OR2F2: variants seen among roughly 807,000 people sequenced by gnomAD.
OR2F2 encodes the protein olfactory receptor family 2 subfamily F member 2.
For missense variants in OR2F2, 375 were observed against 380.2 expected (o/e 0.99, Z 0.11); for synonymous variants, 161 against 159.0 (o/e 1.01, Z -0.09).
Position 143,935,627 on chromosome 7 carries a change from A to G in OR2F2, c.395A>G (p.Tyr132Cys). 6.2e-7 allele frequency: 1 copy of G among 1,614,068 alleles called. No homozygotes were observed. Among genetic ancestry groups the G allele is most frequent in the Non-Finnish European group, 8.5e-7 (1 of 1,180,016 alleles). The change falls in exon 1 of 1, where the codon TAC (tyrosine) becomes TGC (cysteine). Residue 132 changes from tyrosine (Y) to cysteine (C), a missense_variant. Physicochemically the swap from Tyr to Cys is radical, Grantham distance 194 (BLOSUM62 -2). Coordinates refer to ENST00000408955, the MANE Select transcript of OR2F2 (RefSeq NM_001004685.1). ...GTGGCTGTGTCTGACCGCCTGCGAT[A>G]CTCGGCCATCATGCATGGAGGGCTG... ...RHVAVSDRLR[Y>C]SAIMHGGLCA...
Position 143,936,027 on chromosome 7 carries a change from T to A in OR2F2, c.795T>A (p.Gly265=). Residue 265 remains glycine (G), a synonymous_variant, in exon 1 of 1, where the codon GGT becomes GGA. Transcript: ENST00000408955. ...TCACTTACATCCAGCCCCACTCTGG[T>A]CCCTCAGTCCTTCAAGAGAAGCTGA... ...TIFTYIQPHS[G]PSVLQEKLIS... is the part of the protein sequence containing the mutation. The A allele has an allele frequency of 1.2e-6, 2 of 1,614,064 alleles. No homozygotes were observed. The highest frequency in any genetic ancestry group is 1.7e-6 in the Non-Finnish European group (2 of 1,180,020).
At position 143,935,554 on chromosome 7, in the gene OR2F2, G is replaced by C; in HGVS notation, c.322G>C (p.Gly108Arg). ...AAQLFFSLAL[G>R]GIEFVLLAVM... ...CCAGTTATTTTTCTCCCTGGCCTTG[G>C]GTGGGATTGAGTTTGTTCTCCTGGC... Residue 108 changes from glycine (G) to arginine (R), a missense_variant, in exon 1 of 1, where the codon GGT becomes CGT. By Grantham distance (125) the Gly-to-Arg change is moderately radical. Coordinates refer to ENST00000408955, the MANE Select transcript of OR2F2 (RefSeq NM_001004685.1). The C allele has an allele frequency of 1.2e-6, 2 of 1,614,182 alleles. No individual in the cohort carries two copies. Among genetic ancestry groups the C allele is most frequent in the Non-Finnish European group, 1.7e-6 (2 of 1,180,036 alleles).
In OR2F2 at chr7:143,935,359, T is replaced by A. The variant is rs749778826; in HGVS notation, c.127T>A (p.Cys43Ser). Residue 43 changes from cysteine (C) to serine (S), a missense_variant, in exon 1 of 1, where the codon TGT (cysteine) becomes AGT (serine). Cys to Ser is a moderately radical substitution (Grantham distance 112). Transcript: ENST00000408955. The part of the protein sequence containing the change: ...VTYLMTVLGN[C>S]LIVLLIRLDS... ...ATACCTCATGACAGTGCTGGGGAAC[T>A]GTCTCATTGTCCTTCTGATCAGACT... The A allele has an allele frequency of 3.7e-6, 6 of 1,614,220 alleles. No homozygotes were observed. The highest frequency in any genetic ancestry group is 1.3e-5 in the African/African-American group (1 of 75,068).
Position 143,935,359 on chromosome 7 carries a change from T to G in OR2F2, c.127T>G (p.Cys43Gly), listed in dbSNP as rs749778826. The G allele has an allele frequency of 1.5e-5, 25 of 1,614,220 alleles. No homozygotes were observed. The highest frequency in any genetic ancestry group is 2.0e-5 in the Non-Finnish European group (24 of 1,180,028). The stretch of plus-strand genomic sequence containing the variant: ...ATACCTCATGACAGTGCTGGGGAAC[T>G]GTCTCATTGTCCTTCTGATCAGACT... ...VTYLMTVLGN[C>G]LIVLLIRLDS... The change falls in exon 1 of 1, where the codon TGT (cysteine) becomes GGT (glycine). Residue 43 changes from cysteine (C) to glycine (G), a missense_variant. By Grantham distance (159) the Cys-to-Gly change is radical. Transcript: ENST00000408955.
At position 143,935,720 on chromosome 7, in the gene OR2F2, C is replaced by G. The variant is rs779736615; in HGVS notation, c.488C>G (p.Thr163Ser). 1 of 1,614,232 alleles carries G rather than the reference C, an allele frequency of 6.2e-7. No individual in the cohort carries two copies. Among genetic ancestry groups the G allele is most frequent in the African/African-American group, 1.3e-5 (1 of 75,060 alleles). The change falls in exon 1 of 1, where the codon ACC (threonine) becomes AGC (serine). Residue 163 changes from threonine (T) to serine (S), a missense_variant. Coordinates refer to ENST00000408955, the MANE Select transcript of OR2F2 (RefSeq NM_001004685.1). Reference protein sequence around the residue: ...SINSLVQTAITFQLPMCTNKF... With the variant: ...SINSLVQTAISFQLPMCTNKF... ...AACTCTCTTGTGCAGACTGCTATCA[C>G]CTTTCAGCTGCCCATGTGCACTAAC...
Position 143,935,265 on chromosome 7 carries a change from A to G in OR2F2, c.33A>G (p.Glu11=). 2 of 1,613,782 alleles carry G rather than the reference A, an allele frequency of 1.2e-6. No homozygotes were observed. The highest frequency in any genetic ancestry group is 1.7e-6 in the Non-Finnish European group (2 of 1,179,768). Reference sequence around the variant, plus strand: ...TAGATAACCAGACGTGGGTGAGAGAATTTATTCTCCTTGGCTTATCCAGTG... The same window carrying G: ...TAGATAACCAGACGTGGGTGAGAGAGTTTATTCTCCTTGGCTTATCCAGTG... MEIDNQTWVR[E]FILLGLSSDW... The change falls in exon 1 of 1, where the codon GAA becomes GAG. Residue 11 remains glutamate (E), a synonymous_variant. Coordinates refer to ENST00000408955, the MANE Select transcript of OR2F2 (RefSeq NM_001004685.1).
rs1007173107 is a variant in OR2F2, at chr7:143,935,974, G to T, written c.742G>T (p.Val248Phe). The T allele has an allele frequency of 9.9e-6, 16 of 1,613,858 alleles. No individual in the cohort carries two copies. The highest frequency in any genetic ancestry group is 1.4e-5 in the Non-Finnish European group (16 of 1,180,042). Residue 248 changes from valine to phenylalanine, a missense_variant, in exon 1 of 1, where the codon GTT becomes TTT. Val to Phe is a conservative substitution (Grantham distance 50). Coordinates refer to ENST00000408955, the MANE Select transcript of OR2F2 (RefSeq NM_001004685.1). Reference sequence around the variant, plus strand: ...CACGTGTGCCTCTCACCTCACGGTGGTTGCCCTGTGCTACGGCACAACGAT... The same window carrying T: ...CACGTGTGCCTCTCACCTCACGGTGTTTGCCCTGTGCTACGGCACAACGAT... ...FHTCASHLTV[V>F]ALCYGTTIFT... is the part of the protein sequence containing the mutation.
In OR2F2 at chr7:143,935,635, A is replaced by G. The variant is rs368991789; in HGVS notation, c.403A>G (p.Ile135Val). The change falls in exon 1 of 1, where the codon ATC becomes GTC. Residue 135 changes from isoleucine (I) to valine (V), a missense_variant. Physicochemically the swap from Ile to Val is conservative, Grantham distance 29 (BLOSUM62 3). Transcript: ENST00000408955. Reference sequence around the variant, plus strand: ...GTCTGACCGCCTGCGATACTCGGCCATCATGCATGGAGGGCTGTGTGCTAG... The same window carrying G: ...GTCTGACCGCCTGCGATACTCGGCCGTCATGCATGGAGGGCTGTGTGCTAG... Reference protein sequence around the residue: ...AVSDRLRYSAIMHGGLCARLA... With the variant: ...AVSDRLRYSAVMHGGLCARLA... 5.6e-5 allele frequency: 90 copies of G among 1,614,098 alleles called. No homozygotes were observed. The highest frequency in any genetic ancestry group is 7.2e-5 in the Non-Finnish European group (85 of 1,180,044).
At position 143,936,083 on chromosome 7, in the gene OR2F2, T is replaced by C. The variant is rs1173191813; in HGVS notation, c.851T>C (p.Leu284Pro). 6.2e-7 allele frequency: 1 copy of C among 1,613,990 alleles called. No homozygotes were observed. The highest frequency in any genetic ancestry group is 1.3e-5 in the African/African-American group (1 of 74,934). Residue 284 changes from leucine to proline, a missense_variant, in exon 1 of 1, where the codon CTG becomes CCG. Coordinates refer to ENST00000408955, the MANE Select transcript of OR2F2 (RefSeq NM_001004685.1). ...ISVFYAIVMP[L>P]LNPVIYSLRN... ...GTCTTCTATGCCATTGTTATGCCTCTGCTGAACCCTGTGATTTATAGTCTA... is the reference window on the plus strand; with the variant it reads ...GTCTTCTATGCCATTGTTATGCCTCCGCTGAACCCTGTGATTTATAGTCTA...
At position 143,935,848 on chromosome 7, in the gene OR2F2, C is replaced by T; in HGVS notation, c.616C>T (p.Leu206Phe). The change falls in exon 1 of 1, where the codon CTT becomes TTT. Residue 206 changes from leucine to phenylalanine, a missense_variant. Physicochemically the swap from Leu to Phe is conservative, Grantham distance 22 (BLOSUM62 0). Transcript: ENST00000408955. The part of the protein sequence containing the change: ...EAAIMVSSIV[L>F]LMTPFCLVLL... The stretch of plus-strand genomic sequence containing the variant: ...TGCCATCATGGTGTCTAGCATTGTT[C>T]TTCTGATGACACCTTTCTGCCTGGT... 6.2e-7 allele frequency: 1 copy of T among 1,614,240 alleles called. No individual in the cohort carries two copies. The highest frequency in any genetic ancestry group is 8.5e-7 in the Non-Finnish European group (1 of 1,180,044).
In OR2F2 at chr7:143,935,997, G is replaced by C; in HGVS notation, c.765G>C (p.Thr255=). 6.2e-7 allele frequency: 1 copy of C among 1,613,924 alleles called. No homozygotes were observed. The highest frequency in any genetic ancestry group is 8.5e-7 in the Non-Finnish European group (1 of 1,180,038). The change falls in exon 1 of 1, where the codon ACG becomes ACC. Residue 255 remains threonine, a synonymous_variant. Coordinates refer to ENST00000408955, the MANE Select transcript of OR2F2 (RefSeq NM_001004685.1). ...LTVVALCYGT[T]IFTYIQPHSG... ...TGGTTGCCCTGTGCTACGGCACAAC[G>C]ATTTTCACTTACATCCAGCCCCACT...
At position 143,935,828 on chromosome 7, in the gene OR2F2, T is replaced by A. The variant is rs1814824585; in HGVS notation, c.596T>A (p.Ile199Asn). The A allele has an allele frequency of 6.2e-7, 1 of 1,614,146 alleles. No individual in the cohort carries two copies. Among genetic ancestry groups the A allele is most frequent in the Non-Finnish European group, 8.5e-7 (1 of 1,180,042 alleles). The change falls in exon 1 of 1, where the codon ATC becomes AAC. Residue 199 changes from isoleucine to asparagine, a missense_variant. Ile to Asn is a moderately radical substitution (Grantham distance 149). Transcript: ENST00000408955. ...CVDTSSNEAA[I>N]MVSSIVLLMT... ...GACACCTCCTCCAATGAGGCTGCCATCATGGTGTCTAGCATTGTTCTTCTG... is the reference window on the plus strand; with the variant it reads ...GACACCTCCTCCAATGAGGCTGCCAACATGGTGTCTAGCATTGTTCTTCTG...
chr7:143,935,423 C>G lies in OR2F2; in HGVS notation c.191C>G (p.Thr64Ser). ...RLHTPMYFFL[T>S]NLSLVDVSYA... Reference sequence around the variant, plus strand: ...CACACTCCCATGTATTTCTTTCTCACCAACCTCTCCCTTGTCGATGTCTCC... The same window carrying G: ...CACACTCCCATGTATTTCTTTCTCAGCAACCTCTCCCTTGTCGATGTCTCC... Residue 64 changes from threonine (T) to serine (S), a missense_variant, in exon 1 of 1, where the codon ACC becomes AGC. Physicochemically the swap from Thr to Ser is moderately conservative, Grantham distance 58. Coordinates refer to ENST00000408955, the MANE Select transcript of OR2F2 (RefSeq NM_001004685.1). 1 of 1,614,174 alleles carries G rather than the reference C, an allele frequency of 6.2e-7. No individual in the cohort carries two copies. The highest frequency in any genetic ancestry group is 1.1e-5 in the South Asian group (1 of 91,076).
rs1246517902 is a variant in OR2F2, at chr7:143,935,984, G to A, written c.752G>A (p.Cys251Tyr). 1.2e-6 allele frequency: 2 copies of A among 1,613,186 alleles called. No individual in the cohort carries two copies. Among genetic ancestry groups the A allele is most frequent in the East Asian group, 4.5e-5 (2 of 44,824 alleles). ...TCTCACCTCACGGTGGTTGCCCTGT[G>A]CTACGGCACAACGATTTTCACTTAC... ...CASHLTVVAL[C>Y]YGTTIFTYIQ... Residue 251 changes from cysteine (C) to tyrosine (Y), a missense_variant, in exon 1 of 1, where the codon TGC becomes TAC. Coordinates refer to ENST00000408955, the MANE Select transcript of OR2F2 (RefSeq NM_001004685.1).
Position 143,935,719 on chromosome 7 carries a change from A to G in OR2F2, c.487A>G (p.Thr163Ala), listed in dbSNP as rs1814820860. 1 of 1,614,012 alleles carries G rather than the reference A, an allele frequency of 6.2e-7. No individual in the cohort carries two copies. Among genetic ancestry groups the G allele is most frequent in the South Asian group, 1.1e-5 (1 of 91,088 alleles). The change falls in exon 1 of 1, where the codon ACC becomes GCC. Residue 163 changes from threonine to alanine, a missense_variant. By Grantham distance (58) the Thr-to-Ala change is moderately conservative. Transcript: ENST00000408955. ...CAACTCTCTTGTGCAGACTGCTATCACCTTTCAGCTGCCCATGTGCACTAA... is the reference window on the plus strand; with the variant it reads ...CAACTCTCTTGTGCAGACTGCTATCGCCTTTCAGCTGCCCATGTGCACTAA... ...SINSLVQTAI[T>A]FQLPMCTNKF... is the part of the protein sequence containing the mutation.
Position 143,935,416 on chromosome 7 carries a change from T to C in OR2F2, c.184T>C (p.Phe62Leu). 1 of 1,614,222 alleles carries C rather than the reference T, an allele frequency of 6.2e-7. No homozygotes were observed. Residue 62 changes from phenylalanine to leucine, a missense_variant, in exon 1 of 1, where the codon TTT becomes CTT. Phe to Leu is a conservative substitution (Grantham distance 22). Coordinates refer to ENST00000408955, the MANE Select transcript of OR2F2 (RefSeq NM_001004685.1). ...CCGACTCCACACTCCCATGTATTTC[T>C]TTCTCACCAACCTCTCCCTTGTCGA... is the stretch of plus-strand genomic sequence containing the variant. ...DSRLHTPMYF[F>L]LTNLSLVDVS...
At position 143,935,612 on chromosome 7, in the gene OR2F2, C is replaced by G. The variant is rs1472874301; in HGVS notation, c.380C>G (p.Ser127Cys). Reference sequence around the variant, plus strand: ...GCCTATGACCGCCATGTGGCTGTGTCTGACCGCCTGCGATACTCGGCCATC... The same window carrying G: ...GCCTATGACCGCCATGTGGCTGTGTGTGACCGCCTGCGATACTCGGCCATC... ...VMAYDRHVAV[S>C]DRLRYSAIMH... The change falls in exon 1 of 1, where the codon TCT becomes TGT. Residue 127 changes from serine to cysteine, a missense_variant. Transcript: ENST00000408955. 3.1e-6 allele frequency: 5 copies of G among 1,614,070 alleles called. No homozygotes were observed. The highest frequency in any genetic ancestry group is 2.7e-5 in the African/African-American group (2 of 74,936).
At position 143,935,539 on chromosome 7, in the gene OR2F2, T is replaced by C. The variant is rs1319548320; in HGVS notation, c.307T>C (p.Phe103Leu). ...PFQSCAAQLF[F>L]SLALGGIEFV... ...CCAGAGCTGTGCAGCCCAGTTATTT[T>C]TCTCCCTGGCCTTGGGTGGGATTGA... The change falls in exon 1 of 1, where the codon TTC (phenylalanine) becomes CTC (leucine). Residue 103 changes from phenylalanine (F) to leucine (L), a missense_variant. Coordinates refer to ENST00000408955, the MANE Select transcript of OR2F2 (RefSeq NM_001004685.1). The C allele has an allele frequency of 1.9e-6, 3 of 1,614,248 alleles. No individual in the cohort carries two copies. Among genetic ancestry groups the C allele is most frequent in the Non-Finnish European group, 2.5e-6 (3 of 1,180,040 alleles).
chr7:143,936,045 G>A lies in OR2F2; in HGVS notation c.813G>A (p.Glu271=), dbSNP rs1814831150. The A allele has an allele frequency of 2.5e-6, 4 of 1,614,042 alleles. No individual in the cohort carries two copies. The highest frequency in any genetic ancestry group is 3.4e-6 in the Non-Finnish European group (4 of 1,180,016). ...ACTCTGGTCCCTCAGTCCTTCAAGAGAAGCTGATCTCTGTCTTCTATGCCA... is the reference window on the plus strand; with the variant it reads ...ACTCTGGTCCCTCAGTCCTTCAAGAAAAGCTGATCTCTGTCTTCTATGCCA... The part of the protein sequence containing the change: ...QPHSGPSVLQ[E]KLISVFYAIV... Residue 271 remains glutamate (E), a synonymous_variant, in exon 1 of 1, where the codon GAG becomes GAA. Coordinates refer to ENST00000408955, the MANE Select transcript of OR2F2 (RefSeq NM_001004685.1).
Sources: gnomAD v4.1 joint callset for allele counts on GRCh38, gnomAD v4.1.1 for gene constraint, MANE v1.5 for transcripts, NCBI Gene and HGNC (gene_info 2026-07-23, HGNC 2026-07-21) for gene names.